The following APOH variants were observed in gnomAD, a reference collection of about 807,000 sequenced individuals.
APOH encodes apolipoprotein H.
In APOH, 48 loss-of-function variants were observed where a neutral mutation model predicts 39.8. The ratio of observed to expected loss-of-function variants is 1.21; its 90% CI spans 0.96 to 1.54. APOH has a LOEUF of 1.54. Ranked by LOEUF, APOH falls within the 40% of genes most tolerant of loss-of-function variation. APOH has a pLI of 0.00. For missense variants in APOH, 415 were observed against 421.2 expected (o/e 0.99, Z 0.13); for synonymous variants, 153 against 151.1 (o/e 1.01, Z -0.09).
chr17:66,216,528 A>G lies in APOH; in HGVS notation c.784+260T>C, dbSNP rs8178933. On this transcript the variant is annotated intron_variant, in intron 6 of 7. Coordinates refer to ENST00000205948, the MANE Select transcript of APOH (RefSeq NM_000042.3). ...GCTCAGAGGCAAAGACTTAAAAGCA[A>G]ATAAAGAAAGCCCACATGATCTCCC... Among the ~76,000 whole-genome samples the G allele has an allele frequency of 2.5e-3, 377 of 152,026 alleles. 3 individuals carry two copies. The highest frequency in any genetic ancestry group is 8.9e-3 in the African/African-American group (368 of 41,434).
chr17:66,222,791 G>A (rs1367227300), intron 4 of APOH, among the ~76,000 whole-genome samples: 3 of 151,930 alleles, frequency 2.0e-5, no homozygotes, highest in South Asian at 2.1e-4. Context: ...GGCTGGTCTC[G>A]AACTCCTGAC....
chr17:66,225,054 A>G (rs1318079533), intron 3 of APOH, among the ~76,000 whole-genome samples: 4 of 112,554 alleles, frequency 3.6e-5, no homozygotes, highest in East Asian at 3.7e-4. Context: ...GTGACAGAGC[A>G]AAAAGAAAGG....
intron 5 of APOH, among the ~76,000 whole-genome samples, chr17:66,220,003 G>A (rs938413683): frequency 6.6e-6 from 1 of 152,172 alleles, no homozygotes; most frequent in African/African-American, 2.4e-5. Context: ...AGTAATGACA[G>A]GTCAAGTTAG....
intron 3 of APOH, among the ~76,000 whole-genome samples, 187 bp downstream of exon 3, chr17:66,225,841 C>T (rs1300996330): frequency 1.1e-4 from 17 of 151,364 alleles, no homozygotes; most frequent in Admixed American, 9.9e-4. Context: ...TGCACCACTG[C>T]GCTCCAGCCT....
intron 4 of APOH, among the ~76,000 whole-genome samples, chr17:66,222,125 G>A (rs1027858155): frequency 6.6e-6 from 1 of 152,180 alleles, no homozygotes; most frequent in Non-Finnish European, 1.5e-5. Flanking sequence ...CGTGGTTCAC[G>A]CCTGTAATCC....
Position 66,229,028 on chromosome 17 carries a change from T to C in APOH, c.64+288A>G, listed in dbSNP as rs184432850. ...TTGTGTTTTTAGTAAAGACAGGGTT[T>C]CACTATGTTGCCCAGGCTGGGCTCG... On this transcript the variant is annotated intron_variant, in intron 1 of 7. Coordinates refer to ENST00000205948, the MANE Select transcript of APOH (RefSeq NM_000042.3). Among the ~76,000 whole-genome samples the C allele has an allele frequency of 4.5e-3, 677 of 151,868 alleles. 3 individuals are homozygous for C. The highest frequency in any genetic ancestry group is 0.015 in the African/African-American group (622 of 41,456).
chr17:66,226,344 A>T (rs183397954), intron 2 of APOH, among the ~76,000 whole-genome samples: 1 of 152,338 alleles, frequency 6.6e-6, no homozygotes, highest in East Asian at 1.9e-4. Context: ...TCCTAATAAC[A>T]GAATTTGGAC....
In APOH at chr17:66,212,213, A is replaced by G. The variant is rs745795914; in HGVS notation, c.983-25T>C. The G allele has an allele frequency of 1.6e-5, 25 of 1,598,178 alleles. No individual in the cohort carries two copies. The African/African-American group carries it at 2.9e-4, about 18-fold the overall frequency. Reference sequence around the variant, plus strand: ...TCTGTTGGGGGAGAAAAAGATAAACATTCTAAGAGAAACAATCATTTCTTA... The same window carrying G: ...TCTGTTGGGGGAGAAAAAGATAAACGTTCTAAGAGAAACAATCATTTCTTA... On this transcript the variant is annotated intron_variant, in intron 7 of 7. Coordinates refer to ENST00000205948, the MANE Select transcript of APOH (RefSeq NM_000042.3).
intron 3 of APOH, among the ~76,000 whole-genome samples, chr17:66,224,511 G>A: frequency 1.5e-5 from 2 of 132,166 alleles, no homozygotes; most frequent in Non-Finnish European, 1.6e-5. Flanking sequence ...AGAAGGAAAG[G>A]AAGGAAAAAG....
At position 66,212,189 on chromosome 17, in the gene APOH, C is replaced by T. The variant is rs751991480; in HGVS notation, c.983-1G>A. 6.2e-7 allele frequency: 1 copy of T among 1,613,030 alleles called. No homozygotes were observed. The highest frequency in any genetic ancestry group is 8.5e-7 in the Non-Finnish European group (1 of 1,179,190). ...TTCCAAAAAGCCAGAGAACTGTGTT[C>T]TGTTGGGGGAGAAAAAGATAAACAT... On this transcript the variant is annotated splice_acceptor_variant, in intron 7 of 7. Coordinates refer to ENST00000205948, the MANE Select transcript of APOH (RefSeq NM_000042.3). LOFTEE classifies it high-confidence loss of function.
chr17:66,220,639 T>C lies in APOH; in HGVS notation c.519A>G (p.Glu173=). 2 of 1,614,196 alleles carry C rather than the reference T, an allele frequency of 1.2e-6. No individual in the cohort carries two copies. Among genetic ancestry groups the C allele is most frequent in the Non-Finnish European group, 1.7e-6 (2 of 1,180,030 alleles). ...NSLYRDTAVF[E]CLPQHAMFGN... is the part of the protein sequence containing the mutation. ...CAAACATCGCATGTTGTGGCAAACA[T>C]TCAAAAACTGCTGTGTCCCGATAGA... Residue 173 remains glutamate, a synonymous_variant, in exon 5 of 8, where the codon GAA becomes GAG. Transcript: ENST00000205948.
chr17:66,227,036 G>C (rs8178829), intron 2 of APOH, among the ~76,000 whole-genome samples: 18,451 of 151,864 alleles, frequency 0.12, 1,161 homozygotes, highest in African/African-American at 0.16. Flanking sequence ...GCGCATGCCA[G>C]CATGCCCGGC....
chr17:66,216,385 G>A (rs540485567), intron 6 of APOH, among the ~76,000 whole-genome samples: 1 of 151,772 alleles, frequency 6.6e-6, no homozygotes, highest in East Asian at 1.9e-4. Flanking sequence ...TCGGGAGGCT[G>A]AGGTAGGAGA....
chr17:66,218,643 T>G (rs1400788242), intron 5 of APOH, among the ~76,000 whole-genome samples: 1 of 152,196 alleles, frequency 6.6e-6, no homozygotes, highest in Non-Finnish European at 1.5e-5. Context: ...AAGTTCAGAT[T>G]ATGGAACATT....
intron 5 of APOH, among the ~76,000 whole-genome samples, chr17:66,219,606 G>A (rs2073385365): frequency 6.6e-6 from 1 of 152,134 alleles, no homozygotes; most frequent in Non-Finnish European, 1.5e-5. Flanking sequence ...ATCTACCACT[G>A]GAGAAGTTAA....
intron 3 of APOH, among the ~76,000 whole-genome samples, chr17:66,225,417 T>C (rs998508576): frequency 2.0e-5 from 3 of 152,190 alleles, no homozygotes; most frequent in African/African-American, 7.2e-5. Flanking sequence ...ACCTTCTCCA[T>C]AGAATTCTCT....
At chr17:66,220,510 G>A (rs368669543) in intron 5 of APOH, 44 bp downstream of exon 5, 2 of 1,573,308 alleles carry the variant, frequency 1.3e-6, no homozygotes, top group African/African-American at 2.7e-5. Context: ...TCACAAATGG[G>A]ATCTTGCCCT....
intron 5 of APOH, among the ~76,000 whole-genome samples, 178 bp from the exon 6 acceptor site, chr17:66,217,145 C>A (rs925256023): frequency 6.6e-6 from 1 of 152,004 alleles, no homozygotes; most frequent in Non-Finnish European, 1.5e-5. Flanking sequence ...ATCTGTGGTA[C>A]CCTGGATATT....
intron 3 of APOH, among the ~76,000 whole-genome samples, 196 bp from the exon 4 acceptor site, chr17:66,223,970 C>T (rs1251522769): frequency 6.6e-6 from 1 of 152,164 alleles, no homozygotes; most frequent in Non-Finnish European, 1.5e-5. Context: ...TGAATCACTG[C>T]AGGGTTCCAC....
Sources: allele counts gnomAD v4.1 joint callset (sites outside exome capture counted in the v4.1 genomes callset), GRCh38; gene constraint gnomAD v4.1.1; transcripts MANE v1.5; gene names NCBI Gene and HGNC (gene_info 2026-07-23, HGNC 2026-07-21).